IL20: variants seen among roughly 807,000 people sequenced by gnomAD.
IL20 encodes interleukin-20.
IL20 carries 22 observed loss-of-function variants against 19.2 expected under a neutral mutation model. The observed-to-expected ratio is 1.15, with a 90% CI of 0.82 to 1.64. The LOEUF is 1.64. Ranked by LOEUF, IL20 falls within the 40% of genes most tolerant of loss-of-function variation. The pLI, the probability that IL20 is intolerant of heterozygous loss-of-function variation, is 0.00. For missense variants in IL20, 215 were observed against 212.8 expected (o/e 1.01, Z -0.06); for synonymous variants, 70 against 76.2 (o/e 0.92, Z 0.43).
intron 5 of IL20, among the ~76,000 whole-genome samples, chr1:206,868,278 T>C (rs2102506969): frequency 6.6e-6 from 1 of 152,270 alleles, no homozygotes; most frequent in Middle Eastern, 3.4e-3. Flanking sequence ...CCCTTGCACC[T>C]CAGTTTCTGT....
chr1:206,865,412 G>A (rs1364429567), upstream of IL20: 2 of 721,258 alleles, frequency 2.8e-6, no homozygotes, highest in Non-Finnish European at 3.4e-6. This position sits in a 1 kb window ranked among gnomAD's most constrained non-coding sequence, Gnocchi z 4.1. Context: ...CTGTGGGTCT[G>A]AGGGGACCAG....
intron 2 of IL20, 26 bp downstream of exon 2, chr1:206,866,037 C>T: frequency 6.2e-7 from 1 of 1,600,048 alleles, no homozygotes; most frequent in Non-Finnish European, 8.6e-7. Context: ...TCTACCTCTC[C>T]TGAAAGCCTT....
At chr1:206,866,227 G>C in intron 2 of IL20, 72 bp from the exon 3 acceptor site, 1 of 1,448,392 alleles carries the variant, frequency 6.9e-7, no homozygotes, top group South Asian at 1.2e-5. Context: ...GAGTGGATGA[G>C]AAGTCTTGAT....
chr1:206,866,246 C>T, intron 2 of IL20, 53 bp from the exon 3 acceptor site: 4 of 1,553,088 alleles, frequency 2.6e-6, no homozygotes, highest in Admixed American at 1.7e-5. Context: ...ATATTGAAGA[C>T]CCTGGCAGCA....
chr1:206,863,712 C>A (rs868183918), upstream of IL20, among the ~76,000 whole-genome samples: 25 of 152,118 alleles, frequency 1.6e-4, no homozygotes, highest in Admixed American at 1.3e-4. Context: ...CTAAAGGACC[C>A]TTTTCCACGA....
intron 5 of IL20, among the ~76,000 whole-genome samples, chr1:206,868,269 C>G (rs1023752560): frequency 6.6e-6 from 1 of 152,046 alleles, no homozygotes; most frequent in African/African-American, 2.4e-5. Context: ...TCTGCTACCC[C>G]CTTGCACCTC....
chr1:206,868,105 C>A (rs1410096300), intron 5 of IL20, among the ~76,000 whole-genome samples: 1 of 152,048 alleles, frequency 6.6e-6, no homozygotes, highest in Admixed American at 6.5e-5. Flanking sequence ...GTGATTGGCA[C>A]AATCAATATC....
In IL20 at chr1:206,866,291, C is replaced by G; in HGVS notation, c.160-8C>G. The G allele has an allele frequency of 6.2e-7, 1 of 1,613,968 alleles. No individual in the cohort carries two copies. Among genetic ancestry groups the G allele is most frequent in the Non-Finnish European group, 8.5e-7 (1 of 1,179,864 alleles). On this transcript the variant is annotated splice_region_variant and splice_polypyrimidine_tract_variant and intron_variant, in intron 2 of 5. Coordinates refer to ENST00000367098, the MANE Select transcript of IL20 (RefSeq NM_018724.4). ...TCATCCTTGCTTGTTTTGTCTTCTT[C>G]TGTTTAGCAAGCCAAAGATGGAAAC... is the stretch of plus-strand genomic sequence containing the variant.
chr1:206,863,600 G>C (rs1393357249), upstream of IL20, among the ~76,000 whole-genome samples: 1 of 152,172 alleles, frequency 6.6e-6, no homozygotes, highest in Non-Finnish European at 1.5e-5. Context: ...AGCCTTTCCT[G>C]AGCTCAGGTA....
At chr1:206,866,260 A>T in intron 2 of IL20, 39 bp from the exon 3 acceptor site, 1 of 1,599,256 alleles carries the variant, frequency 6.3e-7, no homozygotes, top group Non-Finnish European at 8.6e-7. Context: ...GGCAGCAGGC[A>T]CTGACTCATC....
rs762319683 is a variant in IL20 at position 206,865,966 on chromosome 1, C to G, written c.114C>G (p.Asn38Lys). 6.2e-7 allele frequency: 1 copy of G among 1,614,176 alleles called. No individual in the cohort carries two copies. The highest frequency in any genetic ancestry group is 8.5e-7 in the Non-Finnish European group (1 of 1,180,018). ...TGGGAAGCTGTGTGATCGCCACAAA[C>G]CTTCAGGAAATACGAAATGGATTTT... ...LNLGSCVIAT[N>K]LQEIRNGFSE... is the part of the protein sequence containing the mutation. The change falls in exon 2 of 6, where the codon AAC becomes AAG. Residue 38 changes from asparagine (N) to lysine (K), a missense_variant. Physicochemically the swap from Asn to Lys is moderately conservative, Grantham distance 94 (BLOSUM62 0). Coordinates refer to ENST00000367098, the MANE Select transcript of IL20 (RefSeq NM_018724.4). The surrounding 1 kb of genome is among the most constrained non-coding windows in gnomAD (Gnocchi z 4.1).
In IL20 at chr1:206,868,655, T is replaced by G. The variant is rs1677631089; in HGVS notation, c.*91T>G. The G allele has an allele frequency of 2.4e-6, 2 of 820,520 alleles. No individual in the cohort carries two copies. Among genetic ancestry groups the G allele is most frequent in the Non-Finnish European group, 3.7e-6 (2 of 537,066 alleles). The allele number at this position is 820,520 out of a possible 1,614,324, so 50.8% of individuals were successfully genotyped here. ...GGAGGCATGACCCCAAACCACCATC[T>G]CTTTACTGTACTAGTCTTGTGCTGG... On this transcript the variant is annotated 3_prime_UTR_variant, in exon 6 of 6. Coordinates refer to ENST00000367098, the MANE Select transcript of IL20 (RefSeq NM_018724.4).
intron 4 of IL20, 29 bp from the exon 5 acceptor site, chr1:206,867,355 T>C (rs374229633): frequency 1.9e-6 from 3 of 1,598,064 alleles, no homozygotes; most frequent in Non-Finnish European, 2.6e-6. Flanking sequence ...ATCTGTAATA[T>C]AATCTATTAT....
rs747133267 is a variant in IL20, at chr1:206,866,471, T to C, written c.226-13T>C. On this transcript the variant is annotated splice_polypyrimidine_tract_variant and intron_variant, in intron 3 of 5. Coordinates refer to ENST00000367098, the MANE Select transcript of IL20 (RefSeq NM_018724.4). ...CCCTTTCCCCTCACCAATATACCTG[T>C]GGTTTTTTGCAGCCTGCGAATCGAT... 1.9e-6 allele frequency: 3 copies of C among 1,613,972 alleles called. No individual in the cohort carries two copies. Among genetic ancestry groups the C allele is most frequent in the Admixed American group, 3.3e-5 (2 of 59,994 alleles).
At chr1:206,867,508 G>A (rs1291481356) in intron 5 of IL20, 50 bp downstream of exon 5, 1 of 1,430,546 alleles carries the variant, frequency 7.0e-7, no homozygotes, top group Non-Finnish European at 9.9e-7. Flanking sequence ...TAAGAACTGA[G>A]ATCATAGGTA....
intron 5 of IL20, among the ~76,000 whole-genome samples, chr1:206,867,865 A>G (rs187991739): frequency 1.3e-5 from 2 of 151,968 alleles, no homozygotes; most frequent in East Asian, 3.9e-4. Flanking sequence ...CCTGGATTTC[A>G]CTCCTCACTG....
chr1:206,865,626 C>T lies in IL20; in HGVS notation c.-91C>T. 1 of 1,340,452 alleles carries T rather than the reference C, an allele frequency of 7.5e-7. No individual in the cohort carries two copies. Among genetic ancestry groups the T allele is most frequent in the Non-Finnish European group, 9.6e-7 (1 of 1,043,892 alleles). 83.0% of individuals were successfully genotyped at this position (1,340,452 alleles called of 1,614,324 possible). A position where few individuals can be genotyped will look rare whatever the true frequency, so the allele number is the denominator to read the frequency against. On this transcript the variant is annotated 5_prime_UTR_variant, in exon 1 of 6. Coordinates refer to ENST00000367098, the MANE Select transcript of IL20 (RefSeq NM_018724.4). The surrounding 1 kb of genome is among the most constrained non-coding windows in gnomAD (Gnocchi z 4.1). ...CCACGACCTGTGCCACCAACTCGCA[C>T]TCAGACTCTGAACTCAGACCTGAAA...
At chr1:206,865,564 C>T (rs1677521048), upstream of IL20, 1 of 1,182,008 alleles carries the variant, frequency 8.5e-7, no homozygotes, top group African/African-American at 1.5e-5. The surrounding 1 kb of genome is among the most constrained non-coding windows in gnomAD (Gnocchi z 4.1). Context: ...CTGCTGGGCA[C>T]TAACGGCGGA....
chr1:206,866,738 T>C (rs1572589725), intron 4 of IL20, 102 bp downstream of exon 4: 1 of 1,170,674 alleles, frequency 8.5e-7, no homozygotes, highest in East Asian at 2.3e-5. Context: ...ATGGAGAAAC[T>C]GAGTCCAAAA....
Sources: gnomAD v4.1 joint callset for allele counts (sites outside exome capture counted in the v4.1 genomes callset) on GRCh38, gnomAD v4.1.1 for gene constraint, Gnocchi (gnomAD v3.1) non-coding constraint, MANE v1.5 for transcripts, NCBI Gene and HGNC (gene_info 2026-07-23, HGNC 2026-07-21) for gene names.